HLF: variants seen among roughly 807,000 people sequenced by gnomAD.
HLF encodes the protein HLF transcription factor, PAR bZIP family member, also known as hepatic leukemia factor.
Under a neutral mutation model 22.6 loss-of-function variants are expected in HLF, and 3 were observed. The ratio of observed to expected loss-of-function variants is 0.13; its 90% CI spans 0.06 to 0.34. The LOEUF (loss-of-function observed/expected upper bound fraction) is 0.34. HLF is among the 10% of genes least tolerant of loss of function. HLF has a pLI of 1.00. For synonymous variants in HLF, 151 were observed against 151.8 expected, an observed-to-expected ratio of 0.99 and a Z score of 0.04; for missense variants, 299 against 389.2, an observed-to-expected ratio of 0.77 and a Z score of 1.95.
At chr17:55,301,647 A>G (rs928872289) in intron 2 of HLF, among the ~76,000 whole-genome samples, 1 of 152,234 alleles carries the variant, frequency 6.6e-6, no homozygotes, top group Non-Finnish European at 1.5e-5. Context: ...TTAAGCAGAG[A>G]GCATGAGATA....
At chr17:55,279,792 C>T (rs2080937518) in intron 2 of HLF, among the ~76,000 whole-genome samples, 1 of 152,114 alleles carries the variant, frequency 6.6e-6, no homozygotes, top group Non-Finnish European at 1.5e-5. Flanking sequence ...TTAGCATTCC[C>T]ACCAAATTGT....
At chr17:55,308,543 G>T (rs1048390515) in intron 2 of HLF, among the ~76,000 whole-genome samples, 1 of 152,098 alleles carries the variant, frequency 6.6e-6, no homozygotes, top group Admixed American at 6.5e-5. Flanking sequence ...ACCTTATTAG[G>T]ATTTAGAGGG....
chr17:55,305,179 C>T (rs976728526), intron 2 of HLF, among the ~76,000 whole-genome samples: 2 of 152,212 alleles, frequency 1.3e-5, no homozygotes, highest in African/African-American at 2.4e-5. Flanking sequence ...CCTAGTGAGC[C>T]GTGGTCTCTG....
At chr17:55,311,352 A>T (rs1471409577) in intron 2 of HLF, among the ~76,000 whole-genome samples, 1 of 152,062 alleles carries the variant, frequency 6.6e-6, no homozygotes, top group Non-Finnish European at 1.5e-5. Context: ...ATACAAAAAA[A>T]AATTAGCCGG....
chr17:55,281,582 GCTC>G (rs1272083833), intron 2 of HLF, among the ~76,000 whole-genome samples: 2 of 152,136 alleles, frequency 1.3e-5, no homozygotes, highest in African/African-American at 4.8e-5. Flanking sequence ...TGAACACAAT[GCTC>G]CTAAGTTTAA....
At chr17:55,317,379 A>G (rs1905112614) in intron 3 of HLF, among the ~76,000 whole-genome samples, 1 of 152,184 alleles carries the variant, frequency 6.6e-6, no homozygotes, top group Non-Finnish European at 1.5e-5. Context: ...TGAGTGATAG[A>G]CAGAACTTCC....
intron 2 of HLF, among the ~76,000 whole-genome samples, chr17:55,280,165 C>G (rs907758067): frequency 6.6e-6 from 1 of 152,232 alleles, no homozygotes; most frequent in African/African-American, 2.4e-5. Flanking sequence ...TCTTCCACCT[C>G]CATGGCTATT....
intron 1 of HLF, 169 bp downstream of exon 1, chr17:55,265,768 C>G: frequency 7.8e-7 from 1 of 1,275,546 alleles, no homozygotes; most frequent in Non-Finnish European, 1.0e-6. Flanking sequence ...CCTTCCTCCC[C>G]TTCCTCCTCC....
intron 2 of HLF, among the ~76,000 whole-genome samples, chr17:55,306,238 T>C (rs761146652): frequency 2.6e-5 from 4 of 152,206 alleles, no homozygotes; most frequent in East Asian, 1.9e-4. Context: ...ATTGCTGATA[T>C]TGATTATTCA....
intron 2 of HLF, among the ~76,000 whole-genome samples, chr17:55,299,860 G>A (rs1204368537): frequency 6.6e-6 from 1 of 151,260 alleles, no homozygotes; most frequent in Non-Finnish European, 1.5e-5. Context: ...AAGAGACAGG[G>A]TCTTGTCCTG....
chr17:55,294,581 G>T (rs1229029326), intron 2 of HLF, among the ~76,000 whole-genome samples: 1 of 152,206 alleles, frequency 6.6e-6, no homozygotes, highest in African/African-American at 2.4e-5. Context: ...AGTTGTACGA[G>T]CAAAGCATCC....
chr17:55,317,982 T>C (rs1255031599), intron 3 of HLF, among the ~76,000 whole-genome samples: 2 of 152,222 alleles, frequency 1.3e-5, no homozygotes, highest in African/African-American at 4.8e-5. Flanking sequence ...GTGCCAACCC[T>C]CTAACCCTGT....
At chr17:55,316,071 G>A (rs1905053425) in intron 3 of HLF, among the ~76,000 whole-genome samples, 2 of 152,226 alleles carry the variant, frequency 1.3e-5, no homozygotes, top group East Asian at 1.9e-4. Flanking sequence ...CAGTGTTGAA[G>A]GGACACCTTA....
In HLF at chr17:55,265,483, C is replaced by T. The variant is rs752002064; in HGVS notation, c.-2C>T. On this transcript the variant is annotated 5_prime_UTR_variant, in exon 1 of 4. Coordinates refer to ENST00000226067, the MANE Select transcript of HLF (RefSeq NM_002126.5). ...AAGGGGAAAAAATTTGAGTGCATCG[C>T]GATGGAGAAAATGTCCCGACCGCTC... 1 of 1,575,228 alleles carries T rather than the reference C, an allele frequency of 6.3e-7. No homozygotes were observed. Among genetic ancestry groups the T allele is most frequent in the East Asian group, 2.3e-5 (1 of 43,752 alleles).
rs1371211035 is a variant in HLF at position 55,320,530 on chromosome 17, G to A, written c.673-134G>A. On this transcript the variant is annotated intron_variant, in intron 3 of 3. Transcript: ENST00000226067. This position sits in a 1 kb window ranked among gnomAD's most constrained non-coding sequence, Gnocchi z 4.2. ...TCTCAGACATGCAGAAACTGTAAAGGAAGGAGACACAAGCTAAGAAACCCG... is the reference window on the plus strand; with the variant it reads ...TCTCAGACATGCAGAAACTGTAAAGAAAGGAGACACAAGCTAAGAAACCCG... The A allele has an allele frequency of 1.5e-6, 1 of 682,958 alleles. No individual in the cohort carries two copies. Among genetic ancestry groups the A allele is most frequent in the Non-Finnish European group, 2.5e-6 (1 of 400,198 alleles). 42.3% of individuals were successfully genotyped at this position (682,958 alleles called of 1,614,324 possible).
At chr17:55,313,206 T>C (rs1904914357) in intron 2 of HLF, among the ~76,000 whole-genome samples, 1 of 152,156 alleles carries the variant, frequency 6.6e-6, no homozygotes, top group Non-Finnish European at 1.5e-5. Context: ...CATGAATGAA[T>C]GTCAGAGTCC....
In HLF at chr17:55,324,571, T is replaced by G. The variant is rs1189773690; in HGVS notation, c.*3692T>G. ...GTGATGGCAATTGGAGATCTGGATT[T>G]AGCACTGGGGTCTCAGCACCCTGCA... On this transcript the variant is annotated 3_prime_UTR_variant, in exon 4 of 4. Coordinates refer to ENST00000226067, the MANE Select transcript of HLF (RefSeq NM_002126.5). The G allele has an allele frequency of 8.6e-6, 2 of 232,456 alleles. No individual in the cohort carries two copies. Among genetic ancestry groups the G allele is most frequent in the East Asian group, 1.2e-4 (2 of 16,520 alleles). The allele number at this position is 232,456 out of a possible 1,614,324, so 14.4% of individuals were successfully genotyped here.
chr17:55,300,445 T>C (rs1357460430), intron 2 of HLF, among the ~76,000 whole-genome samples: 1 of 152,230 alleles, frequency 6.6e-6, no homozygotes, highest in Non-Finnish European at 1.5e-5. Flanking sequence ...ATTGCCCTTC[T>C]ATAGCCTACA....
At chr17:55,286,081 TTGAG>T (rs1478317633) in intron 2 of HLF, among the ~76,000 whole-genome samples, 1 of 152,182 alleles carries the variant, frequency 6.6e-6, no homozygotes. Flanking sequence ...CCTGGAACTC[TTGAG>T]TAAGCTAGTT....
Sources: gnomAD v4.1 joint callset for allele counts (sites outside exome capture counted in the v4.1 genomes callset) on GRCh38, gnomAD v4.1.1 for gene constraint, Gnocchi (gnomAD v3.1) non-coding constraint, MANE v1.5 for transcripts, NCBI Gene and HGNC (gene_info 2026-07-23, HGNC 2026-07-21) for gene names.